UBE3B: variants seen among roughly 807,000 people sequenced by gnomAD.
UBE3B encodes the protein ubiquitin-protein ligase E3B.
Under a neutral mutation model 132.3 loss-of-function variants are expected in UBE3B, and 80 were observed. The observed-to-expected ratio is 0.60, with a 90% CI of 0.50 to 0.73. The LOEUF is 0.73. Among genes scored for constraint, UBE3B ranks in the 30% least tolerant of loss-of-function variants. The pLI is 0.00. For missense variants in UBE3B, 1,196 were observed against 1,362.5 expected (o/e 0.88, Z 1.92); for synonymous variants, 487 against 520.4 (o/e 0.94, Z 0.87).
At chr12:109,487,681 A>G (rs1351856534) in intron 6 of UBE3B, among the ~76,000 whole-genome samples, 2 of 152,230 alleles carry the variant, frequency 1.3e-5, no homozygotes, top group East Asian at 3.8e-4. Flanking sequence ...CTCTTTGAGG[A>G]GAAGCTCTTC....
intron 23 of UBE3B, among the ~76,000 whole-genome samples, chr12:109,525,477 C>T (rs1424347384): frequency 1.3e-5 from 2 of 152,192 alleles, no homozygotes. Flanking sequence ...AGCTTTAAAA[C>T]CCACTGGTGC....
chr12:109,523,143 G>A (rs1881907150), intron 21 of UBE3B, among the ~76,000 whole-genome samples: 2 of 152,114 alleles, frequency 1.3e-5, no homozygotes, highest in African/African-American at 2.4e-5. Context: ...TACCCCTTAC[G>A]GTCCTCTGAC....
chr12:109,513,113 CTTTG>C (rs1360362270), intron 18 of UBE3B, among the ~76,000 whole-genome samples: 2 of 152,196 alleles, frequency 1.3e-5, no homozygotes, highest in Admixed American at 1.3e-4. Context: ...TCCACCTCGT[CTTTG>C]TTTGAAATAG....
rs776702371 is a variant in UBE3B, at chr12:109,530,508, G to A, written c.2811-39G>A. ...TGCCTGCCTGTCCATAAGTGCCCACGCTAGCACATTGCTGAGCCCAGGTCT... is the reference window on the plus strand; with the variant it reads ...TGCCTGCCTGTCCATAAGTGCCCACACTAGCACATTGCTGAGCCCAGGTCT... On this transcript the variant is annotated intron_variant, in intron 25 of 27. Transcript: ENST00000342494. The A allele has an allele frequency of 4.4e-5, 70 of 1,592,938 alleles. No homozygotes were observed. The Admixed American group carries it at 4.5e-4, about 10-fold the overall frequency.
the UBE3B span, among the ~76,000 whole-genome samples, chr12:109,546,124 C>A: frequency 6.6e-6 from 1 of 152,112 alleles, no homozygotes; most frequent in African/African-American, 2.4e-5. Context: ...CATCTGGGAA[C>A]GGGTTCCATT....
At chr12:109,532,683 G>T (rs994378776) in intron 26 of UBE3B, among the ~76,000 whole-genome samples, 1 of 152,202 alleles carries the variant, frequency 6.6e-6, no homozygotes, top group Non-Finnish European at 1.5e-5. Flanking sequence ...CAGGAATAAC[G>T]CAGGGGCTGC....
At chr12:109,508,782 C>G in intron 15 of UBE3B, 1 of 974,724 alleles carries the variant, frequency 1.0e-6, no homozygotes, top group Non-Finnish European at 1.2e-6. Flanking sequence ...TCAGATAGAG[C>G]TGTGTCTTAA....
At chr12:109,519,648 C>A (rs889063558) in intron 19 of UBE3B, 2 of 152,224 alleles carry the variant, frequency 1.3e-5, no homozygotes, top group African/African-American at 4.8e-5. Context: ...CCGTTCTCAT[C>A]TCAGTGCCAA....
downstream of UBE3B, among the ~76,000 whole-genome samples, chr12:109,539,305 C>G (rs1422351833): frequency 1.3e-5 from 2 of 152,240 alleles, no homozygotes; most frequent in Non-Finnish European, 2.9e-5. Context: ...TCTCACCACC[C>G]TCTGGAGCGT....
At chr12:109,539,930 T>C (rs1189377564), downstream of UBE3B, among the ~76,000 whole-genome samples, 1 of 151,994 alleles carries the variant, frequency 6.6e-6, no homozygotes, top group East Asian at 1.9e-4. Flanking sequence ...AAGTGTTTTC[T>C]GAGCTGTAGG....
intron 18 of UBE3B, among the ~76,000 whole-genome samples, chr12:109,516,528 A>G (rs1436213783): frequency 6.6e-6 from 1 of 152,082 alleles, no homozygotes; most frequent in East Asian, 1.9e-4. Context: ...AGCTGCAGCC[A>G]GACCACTCTT....
intron 14 of UBE3B, among the ~76,000 whole-genome samples, chr12:109,504,832 T>G (rs1363326306): frequency 2.1e-5 from 3 of 145,964 alleles, no homozygotes; most frequent in Non-Finnish European, 3.0e-5. Flanking sequence ...CGAGACGGAG[T>G]CTCACTCTGT....
At chr12:109,507,186 G>T (rs757449649) in intron 14 of UBE3B, among the ~76,000 whole-genome samples, 1 of 152,240 alleles carries the variant, frequency 6.6e-6, no homozygotes, top group Non-Finnish European at 1.5e-5. Context: ...AAGCATAAAT[G>T]CTAAGTCAGA....
intron 23 of UBE3B, 58 bp downstream of exon 23, chr12:109,524,561 T>A: frequency 6.4e-7 from 1 of 1,573,422 alleles, no homozygotes; most frequent in Non-Finnish European, 8.7e-7. Flanking sequence ...TCCTGAGACC[T>A]GCCGTGTTAT....
rs891759641 is a variant in UBE3B, at chr12:109,535,606, G to A, written c.*824G>A. 3.3e-5 allele frequency: 5 copies of A among 152,196 alleles called. No individual in the cohort carries two copies. The South Asian group carries it at 8.3e-4, about 25-fold the overall frequency. The allele number at this position is 152,196 out of a possible 1,614,324, so 9.4% of individuals were successfully genotyped here. A position where few individuals can be genotyped will look rare whatever the true frequency, so the allele number is the denominator to read the frequency against. ...AAAGCCTGCTTGTCCCGCGGAGGAC[G>A]GCTGCCTTTGACCCTGCTTATTTGT... On this transcript the variant is annotated 3_prime_UTR_variant, in exon 28 of 28. Transcript: ENST00000342494.
Position 109,504,092 on chromosome 12 carries a change from G to A in UBE3B, c.1450+902G>A, listed in dbSNP as rs1879347616. Among the ~76,000 whole-genome samples the A allele has an allele frequency of 2.6e-5, 4 of 152,340 alleles. No homozygotes were observed. In the South Asian group the frequency reaches 8.3e-4, roughly 32 times the overall value. On this transcript the variant is annotated intron_variant, in intron 14 of 27. Transcript: ENST00000342494. ...TAGGGCTCATGTAATGATGGGCACTGTGAGAATGAAAATGCTGAGAGATGA... is the reference window on the plus strand; with the variant it reads ...TAGGGCTCATGTAATGATGGGCACTATGAGAATGAAAATGCTGAGAGATGA...
chr12:109,533,571 G>C lies in UBE3B; in HGVS notation c.3015+13G>C. ...GTCGGACGATCAGGTACCCCCACGG[G>C]GTGGGTGGGGAAGAGCCTTGACTTC... On this transcript the variant is annotated intron_variant, in intron 27 of 27. Coordinates refer to ENST00000342494, the MANE Select transcript of UBE3B (RefSeq NM_130466.4). 1.2e-6 allele frequency: 2 copies of C among 1,609,362 alleles called. No individual in the cohort carries two copies. The highest frequency in any genetic ancestry group is 8.5e-7 in the Non-Finnish European group (1 of 1,177,532).
chr12:109,508,209 G>T (rs2135972541), intron 15 of UBE3B, among the ~76,000 whole-genome samples: 1 of 152,270 alleles, frequency 6.6e-6, no homozygotes, highest in Admixed American at 6.5e-5. Context: ...ACATGGTAGG[G>T]ATTAAAAGAC....
At chr12:109,511,736 A>G (rs1167319455) in intron 18 of UBE3B, among the ~76,000 whole-genome samples, 2 of 152,144 alleles carry the variant, frequency 1.3e-5, no homozygotes, top group Non-Finnish European at 2.9e-5. Context: ...CTTAGAAACC[A>G]AGGCTGGGAG....
Sources: allele counts gnomAD v4.1 joint callset (sites outside exome capture counted in the v4.1 genomes callset), GRCh38; gene constraint gnomAD v4.1.1; transcripts MANE v1.5; gene names NCBI Gene and HGNC (gene_info 2026-07-23, HGNC 2026-07-21).